The following ACTG2 variants were observed in gnomAD, a reference collection of about 807,000 sequenced individuals.
The protein encoded by ACTG2 is actin gamma 2, smooth muscle, also known as actin, gamma-enteric smooth muscle.
Under a neutral mutation model 37.6 loss-of-function variants are expected in ACTG2, and 16 were observed. The observed-to-expected ratio is 0.43, with a 90% CI of 0.29 to 0.65. The LOEUF (loss-of-function observed/expected upper bound fraction) is 0.65. Ranked by LOEUF, ACTG2 falls within the 30% of genes least tolerant of loss-of-function variation. The pLI, the probability that ACTG2 is intolerant of heterozygous loss-of-function variation, is 0.18. For missense variants in ACTG2, 238 were observed against 490.9 expected, an observed-to-expected ratio of 0.48 and a Z score of 4.87; for synonymous variants, 181 against 179.9, an observed-to-expected ratio of 1.01 and a Z score of -0.05.
intron 5 of ACTG2, among the ~76,000 whole-genome samples, chr2:73,911,367 C>T (rs908290222): frequency 3.9e-5 from 6 of 151,924 alleles, no homozygotes; most frequent in African/African-American, 1.5e-4. Context: ...ATTGGTAGCT[C>T]ACGCCTGTAG....
intron 5 of ACTG2, among the ~76,000 whole-genome samples, chr2:73,911,998 C>G (rs556146134): frequency 1.2e-4 from 18 of 152,336 alleles, no homozygotes; most frequent in African/African-American, 4.3e-4. Flanking sequence ...AGGCCATGGG[C>G]ACACACTGAC....
chr2:73,908,371 C>T, intron 3 of ACTG2: 1 of 514,722 alleles, frequency 1.9e-6, no homozygotes. Context: ...ATGTGCCTTG[C>T]ATCACTCAGT....
intron 7 of ACTG2, among the ~76,000 whole-genome samples, chr2:73,915,435 G>A (rs1456272970): frequency 2.0e-5 from 3 of 150,720 alleles, no homozygotes; most frequent in Non-Finnish European, 2.9e-5. Context: ...TGGGAGAATC[G>A]CTTGAGCCGC....
chr2:73,913,103 A>G (rs1653265), intron 5 of ACTG2, among the ~76,000 whole-genome samples: 93,309 of 148,698 alleles, frequency 0.63, 29,693 homozygotes, highest in Admixed American at 0.72. Flanking sequence ...TAGGAGACAG[A>G]GGTTTCAGTG....
intron 5 of ACTG2, among the ~76,000 whole-genome samples, chr2:73,913,214 T>C (rs908320223): frequency 2.7e-5 from 4 of 148,112 alleles, no homozygotes; most frequent in Non-Finnish European, 6.0e-5. Flanking sequence ...TTAATGCAAA[T>C]TGACAAGTAT....
At position 73,919,684 on chromosome 2, in the gene ACTG2, C is replaced by T. The variant is rs945714059; in HGVS notation, c.*109C>T. 11 of 1,292,556 alleles carry T rather than the reference C, an allele frequency of 8.5e-6. No homozygotes were observed. Among genetic ancestry groups the T allele is most frequent in the Admixed American group, 2.4e-5 (1 of 41,340 alleles). The allele number at this position is 1,292,556 out of a possible 1,614,324, so 80.1% of individuals were successfully genotyped here. A position where few individuals can be genotyped will look rare whatever the true frequency, so the allele number is the denominator to read the frequency against. On this transcript the variant is annotated 3_prime_UTR_variant, in exon 9 of 9. Transcript: ENST00000345517. ...CTGTGTGGGGCTCTTTTTTCCTGGG[C>T]TATGTCTCATACACAGTGCTAAGGA...
At chr2:73,894,560 A>G (rs146716268) in intron 1 of ACTG2, among the ~76,000 whole-genome samples, 1 of 152,284 alleles carries the variant, frequency 6.6e-6, no homozygotes, top group African/African-American at 2.4e-5. Flanking sequence ...GGGACAGTGG[A>G]GAGGCTTCTG....
intron 7 of ACTG2, 100 bp from the exon 8 acceptor site, chr2:73,916,484 T>G: frequency 1.9e-6 from 2 of 1,046,290 alleles, no homozygotes; most frequent in Non-Finnish European, 2.8e-6. Flanking sequence ...GGTTCTGAAC[T>G]AGGGTAGTTG....
intron 7 of ACTG2, among the ~76,000 whole-genome samples, chr2:73,915,122 A>C (rs181834074): frequency 6.7e-4 from 102 of 152,304 alleles, no homozygotes; most frequent in African/African-American, 2.3e-3. Context: ...CTTAAGAATG[A>C]GGTTAAAACA....
At chr2:73,908,409 A>G in intron 3 of ACTG2, 1 of 558,140 alleles carries the variant, frequency 1.8e-6, no homozygotes, top group South Asian at 1.5e-5. Context: ...AGACTGTAGG[A>G]GAGTGAAGAG....
At chr2:73,897,278 C>T (rs1481830716) in intron 1 of ACTG2, 1 of 152,216 alleles carries the variant, frequency 6.6e-6, no homozygotes, top group Non-Finnish European at 1.5e-5. Context: ...GGGAGGGAGA[C>T]AAAAGGGCCC....
intron 3 of ACTG2, among the ~76,000 whole-genome samples, chr2:73,903,475 C>T (rs1351707552): frequency 2.2e-4 from 34 of 152,304 alleles, no homozygotes; most frequent in Non-Finnish European, 1.5e-5. Flanking sequence ...AAATCCCACC[C>T]TATAAGTCTT....
At chr2:73,910,288 C>T (rs1363650083) in intron 5 of ACTG2, among the ~76,000 whole-genome samples, 1 of 150,616 alleles carries the variant, frequency 6.6e-6, no homozygotes, top group Non-Finnish European at 1.5e-5. Flanking sequence ...ATGTTTTTTA[C>T]CTTATAAACT....
At position 73,914,860 on chromosome 2, in the gene ACTG2, CTTCCTTTA is replaced by C; in HGVS notation, c.797_804del (p.Ser266TrpfsTer9). The C allele has an allele frequency of 6.3e-7, 1 of 1,583,564 alleles. No individual in the cohort carries two copies. The highest frequency in any genetic ancestry group is 8.6e-7 in the Non-Finnish European group (1 of 1,159,834). On this transcript the variant is annotated frameshift_variant, in exon 7 of 9. Coordinates refer to ENST00000345517, the MANE Select transcript of ACTG2 (RefSeq NM_001615.4). LOFTEE classifies it high-confidence loss of function. The stretch of plus-strand genomic sequence containing the variant: ...CGCTGCCCTGAGACCCTCTTCCAGC[CTTCCTTTA>C]TTGGTGAGGTGCTGCCCACAGTCCC...
At chr2:73,914,410 T>C (rs1379503236) in intron 6 of ACTG2, among the ~76,000 whole-genome samples, 6 of 151,932 alleles carry the variant, frequency 3.9e-5, no homozygotes, top group African/African-American at 1.5e-4. Context: ...AACACAAAAA[T>C]TAGCCGAGCT....
intron 6 of ACTG2, among the ~76,000 whole-genome samples, chr2:73,914,117 G>C (rs1327741345): frequency 6.6e-6 from 1 of 152,158 alleles, no homozygotes; most frequent in African/African-American, 2.4e-5. Flanking sequence ...AAGGCCTAAG[G>C]CTTTGTCAGA....
chr2:73,898,954 C>T (rs146757565), intron 1 of ACTG2, among the ~76,000 whole-genome samples: 7,041 of 151,810 alleles, frequency 0.046, 523 homozygotes, highest in African/African-American at 0.15. Context: ...AGGCGCCCGC[C>T]ACCATGCCTG....
chr2:73,897,261 G>T (rs1266899702), intron 1 of ACTG2: 1 of 152,320 alleles, frequency 6.6e-6, no homozygotes, highest in Non-Finnish European at 1.5e-5. Flanking sequence ...ACACCGGAGA[G>T]AGTTTGGGGA....
chr2:73,898,948 G>T (rs1163956730), intron 1 of ACTG2, among the ~76,000 whole-genome samples: 1 of 151,308 alleles, frequency 6.6e-6, no homozygotes, highest in Admixed American at 6.6e-5. Flanking sequence ...GACTACAGGC[G>T]CCCGCCACCA....
Sources: gnomAD v4.1 joint callset for allele counts (sites outside exome capture counted in the v4.1 genomes callset) on GRCh38, gnomAD v4.1.1 for gene constraint, MANE v1.5 for transcripts, NCBI Gene and HGNC (gene_info 2026-07-23, HGNC 2026-07-21) for gene names.